Variants in MAGI2 observed in about 807,000 individuals in gnomAD.
MAGI2 encodes the protein membrane-associated guanylate kinase, WW and PDZ domain-containing protein 2.
Under a neutral mutation model 133.3 loss-of-function variants are expected in MAGI2, and 35 were observed. The ratio of observed to expected loss-of-function variants is 0.26; its 90% CI spans 0.20 to 0.35. MAGI2 has a LOEUF of 0.35. Ranked by LOEUF, MAGI2 falls within the 10% of genes least tolerant of loss-of-function variation. The pLI is 1.00. For missense variants in MAGI2, 1,636 were observed against 1,863.4 expected, an observed-to-expected ratio of 0.88 and a Z score of 2.25; for synonymous variants, 729 against 710.6, an observed-to-expected ratio of 1.03 and a Z score of -0.41.
intron 1 of MAGI2, among the ~76,000 whole-genome samples, chr7:79,169,348 C>G (rs1243294556): frequency 6.6e-6 from 1 of 152,072 alleles, no homozygotes; most frequent in Non-Finnish European, 1.5e-5. Flanking sequence ...TTTCAGCATT[C>G]AGGGCAACTG....
chr7:79,295,904 T>C (rs899077755), intron 1 of MAGI2, among the ~76,000 whole-genome samples: 1 of 152,222 alleles, frequency 6.6e-6, no homozygotes, highest in African/African-American at 2.4e-5. Context: ...CTTTGAATTT[T>C]ACTTATATAT....
intron 1 of MAGI2, among the ~76,000 whole-genome samples, chr7:79,139,523 T>C (rs1821920666): frequency 6.6e-6 from 1 of 152,190 alleles, no homozygotes; most frequent in African/African-American, 2.4e-5. Flanking sequence ...ACGGCTTCCC[T>C]CATTACTGCC....
chr7:79,366,199 C>T (rs1474222371), intron 1 of MAGI2, among the ~76,000 whole-genome samples: 1 of 151,882 alleles, frequency 6.6e-6, no homozygotes, highest in Non-Finnish European at 1.5e-5. Context: ...CCATTGCACT[C>T]CAGCCCGGGC....
chr7:79,443,292 G>A (rs1166715512), intron 1 of MAGI2, among the ~76,000 whole-genome samples: 33 of 150,056 alleles, frequency 2.2e-4, no homozygotes, highest in African/African-American at 5.9e-4. Context: ...GTGCGTGTGT[G>A]TGTGTGTGTG....
rs1800235494 is a variant in MAGI2 at position 78,932,793 on chromosome 7, A to G, written c.418+74297T>C. On this transcript the variant is annotated intron_variant, in intron 2 of 21. Transcript: ENST00000354212. ...GAGAAATTCATTGACAAGTTTGCCA[A>G]GGTTATTGCTGATGAAAATTTGATG... Among the ~76,000 whole-genome samples, 4 of 152,148 alleles carry G rather than the reference A, an allele frequency of 2.6e-5. No homozygotes were observed. The South Asian group carries it at 8.3e-4, about 31-fold the overall frequency.
intron 1 of MAGI2, among the ~76,000 whole-genome samples, chr7:79,216,096 C>A (rs569669752): frequency 7.2e-5 from 11 of 151,900 alleles, no homozygotes; most frequent in Non-Finnish European, 1.5e-4. Flanking sequence ...ACCATATAAA[C>A]CTCAAACCCA....
intron 9 of MAGI2, among the ~76,000 whole-genome samples, chr7:78,284,779 T>C (rs1465638284): frequency 6.6e-6 from 1 of 152,050 alleles, no homozygotes; most frequent in Admixed American, 6.6e-5. Context: ...AGTGTGTCCA[T>C]TAACAAAGGG....
intron 1 of MAGI2, among the ~76,000 whole-genome samples, chr7:79,066,216 G>A: frequency 6.6e-6 from 1 of 151,412 alleles, no homozygotes; most frequent in Non-Finnish European, 1.5e-5. Flanking sequence ...ATCCTCTCCA[G>A]CATCTATTGT....
At chr7:78,850,764 G>A (rs514156) in intron 2 of MAGI2, among the ~76,000 whole-genome samples, 94,467 of 151,332 alleles carry the variant, frequency 0.62, 30,453 homozygotes, top group East Asian at 0.73. Flanking sequence ...ACAAAGTCTT[G>A]CTATGCCCCC....
chr7:78,298,436 TAAGAA>T (rs1482008022), intron 9 of MAGI2, among the ~76,000 whole-genome samples: 1 of 152,170 alleles, frequency 6.6e-6, no homozygotes, highest in Non-Finnish European at 1.5e-5. Context: ...GGTAAGATGT[TAAGAA>T]GAGAAATTGG....
intron 2 of MAGI2, among the ~76,000 whole-genome samples, chr7:78,755,637 T>C (rs1823870726): frequency 6.6e-6 from 1 of 152,212 alleles, no homozygotes; most frequent in Non-Finnish European, 1.5e-5. Flanking sequence ...ATTCAACTGG[T>C]GATTTGACAA....
intron 3 of MAGI2, among the ~76,000 whole-genome samples, chr7:78,591,056 T>C (rs541957988): frequency 3.3e-5 from 5 of 152,304 alleles, no homozygotes; most frequent in African/African-American, 9.6e-5. Flanking sequence ...GAGAGTACTA[T>C]ACATGCCTAG....
intron 3 of MAGI2, among the ~76,000 whole-genome samples, chr7:78,626,517 T>C (rs1808363164): frequency 2.0e-5 from 3 of 152,204 alleles, no homozygotes; most frequent in Non-Finnish European, 4.4e-5. Flanking sequence ...CTTCTTCCAC[T>C]GAGGCATATT....
At chr7:78,633,012 G>C (rs1809188352) in intron 2 of MAGI2, among the ~76,000 whole-genome samples, 1 of 152,208 alleles carries the variant, frequency 6.6e-6, no homozygotes, top group African/African-American at 2.4e-5. Context: ...TTCAGTGACA[G>C]ACTGGATAAA....
At chr7:79,211,852 T>C (rs1482368733) in intron 1 of MAGI2, among the ~76,000 whole-genome samples, 1 of 151,992 alleles carries the variant, frequency 6.6e-6, no homozygotes, top group African/African-American at 2.4e-5. Context: ...TATGGTGTAA[T>C]AGAGTGATAT....
intron 6 of MAGI2, among the ~76,000 whole-genome samples, chr7:78,383,914 C>T (rs1025970715): frequency 6.6e-6 from 1 of 151,998 alleles, no homozygotes; most frequent in Non-Finnish European, 1.5e-5. Context: ...AAATATGTGG[C>T]TTTATTTCTG....
intron 9 of MAGI2, among the ~76,000 whole-genome samples, chr7:78,286,124 G>C (rs189086835): frequency 6.6e-6 from 1 of 151,880 alleles, no homozygotes; most frequent in African/African-American, 2.4e-5. Context: ...CTAAATTTAC[G>C]GTGTAAAATG....
chr7:78,880,198 T>C (rs2151541732), intron 2 of MAGI2, among the ~76,000 whole-genome samples: 1 of 152,226 alleles, frequency 6.6e-6, no homozygotes, highest in East Asian at 1.9e-4. Flanking sequence ...GAGAGGTAGA[T>C]ATCCAGGTAC....
At chr7:78,951,501 A>G (rs932056721) in intron 2 of MAGI2, among the ~76,000 whole-genome samples, 1 of 152,100 alleles carries the variant, frequency 6.6e-6, no homozygotes, top group African/African-American at 2.4e-5. Flanking sequence ...AGACGCTTAT[A>G]AAACCATCAG....
Sources: gnomAD v4.1 joint callset for allele counts (sites outside exome capture counted in the v4.1 genomes callset) on GRCh38, gnomAD v4.1.1 for gene constraint, MANE v1.5 for transcripts, NCBI Gene and HGNC (gene_info 2026-07-23, HGNC 2026-07-21) for gene names.